TRAK1: variants seen among roughly 807,000 people sequenced by gnomAD.
TRAK1 encodes trafficking kinesin protein 1, also known as trafficking kinesin-binding protein 1.
TRAK1 carries 33 observed loss-of-function variants against 92.1 expected under a neutral mutation model. The observed-to-expected ratio is 0.36, with a 90% CI of 0.27 to 0.48. The LOEUF (loss-of-function observed/expected upper bound fraction) is 0.48, where lower values mean the gene tolerates loss of function less well. Among genes scored for constraint, TRAK1 ranks in the 20% least tolerant of loss-of-function variants. The probability of loss-of-function intolerance (pLI) is 0.99; values close to 1 mark genes in which losing one functional copy is unlikely to be tolerated. For missense variants in TRAK1, 1,123 were observed against 1,257.9 expected, an observed-to-expected ratio of 0.89 and a Z score of 1.62; for synonymous variants, 521 against 517.3, an observed-to-expected ratio of 1.01 and a Z score of -0.10.
At chr3:42,124,116 C>T (rs1180165102) in intron 1 of TRAK1, among the ~76,000 whole-genome samples, 1 of 147,664 alleles carries the variant, frequency 6.8e-6, no homozygotes, top group Non-Finnish European at 1.5e-5. Context: ...CCAGCCTGGG[C>T]AACAGAGTGA....
At chr3:42,098,511 G>A (rs1370066648) in intron 1 of TRAK1, among the ~76,000 whole-genome samples, 3 of 152,182 alleles carry the variant, frequency 2.0e-5, no homozygotes, top group African/African-American at 7.2e-5. Flanking sequence ...ATAACGTGAA[G>A]CAGGAAGGCT....
chr3:42,067,122 T>C (rs1408810688), intron 1 of TRAK1, among the ~76,000 whole-genome samples: 1 of 152,252 alleles, frequency 6.6e-6, no homozygotes, highest in Non-Finnish European at 1.5e-5. Flanking sequence ...TTCTTCTTTG[T>C]ACTCAAGTTG....
rs370817285 is a variant in TRAK1, at chr3:42,202,447, G to A, written c.1439G>A (p.Arg480Gln). The A allele has an allele frequency of 5.4e-6, 8 of 1,479,262 alleles. No individual in the cohort carries two copies. The highest frequency in any genetic ancestry group is 1.5e-5 in the South Asian group (1 of 67,746). The allele number at this position is 1,479,262 out of a possible 1,614,324, so 91.6% of individuals were successfully genotyped here. ...TEAADLGNDERSKKPGTPGTP... is the reference protein window; with the variant it reads ...TEAADLGNDEQSKKPGTPGTP... ...CTTTCTTCTTCCAGAAACGATGAGC[G>A]GAGTAAGAAGCCGGGGACGCCGGGC... The change falls in exon 13 of 16, where the codon CGG becomes CAG. Residue 480 changes from arginine (R) to glutamine (Q), a missense_variant. By Grantham distance (43) the Arg-to-Gln change is conservative. Transcript: ENST00000327628. This position sits in a 1 kb window ranked among gnomAD's most constrained non-coding sequence, Gnocchi z 6.1.
chr3:42,061,106 G>A (rs975282864), intron 1 of TRAK1, among the ~76,000 whole-genome samples: 1 of 152,122 alleles, frequency 6.6e-6, no homozygotes, highest in Non-Finnish European at 1.5e-5. Flanking sequence ...ATTTTAAAAA[G>A]TTCTTTGTTA....
chr3:42,080,167 A>C (rs556910494), intron 1 of TRAK1, among the ~76,000 whole-genome samples: 1 of 152,204 alleles, frequency 6.6e-6, no homozygotes, highest in African/African-American at 2.4e-5. Flanking sequence ...TAGCGGGGAG[A>C]AAATATTAGG....
intron 1 of TRAK1, among the ~76,000 whole-genome samples, chr3:42,065,846 T>A (rs1261781220): frequency 6.6e-6 from 1 of 151,942 alleles, no homozygotes; most frequent in East Asian, 1.9e-4. Context: ...CCCAGGCTGG[T>A]CTCCAACTCC....
chr3:42,104,895 A>T (rs926046668), intron 1 of TRAK1, among the ~76,000 whole-genome samples: 4 of 152,144 alleles, frequency 2.6e-5, no homozygotes, highest in Non-Finnish European at 5.9e-5. Context: ...GGTAATAACA[A>T]ACTTCTCCAA....
intron 14 of TRAK1, chr3:42,210,719 TCAAAGTGGA>T: frequency 1.0e-6 from 1 of 986,676 alleles, no homozygotes; most frequent in Non-Finnish European, 1.2e-6. Context: ...ACACATGTGT[TCAAAGTGGA>T]TTTTTAAAAA....
intron 13 of TRAK1, among the ~76,000 whole-genome samples, chr3:42,206,599 T>G (rs139130518): frequency 3.9e-5 from 6 of 152,346 alleles, no homozygotes; most frequent in African/African-American, 1.2e-4. Flanking sequence ...ACGTGAAGAT[T>G]AAGTGAATTA....
At chr3:42,025,432 C>T (rs1307880288) in intron 1 of TRAK1, among the ~76,000 whole-genome samples, 3 of 152,184 alleles carry the variant, frequency 2.0e-5, no homozygotes, top group African/African-American at 7.2e-5. Flanking sequence ...ATCTAAGCTA[C>T]TGAATTAATT....
chr3:42,115,369 T>C (rs1559786957), intron 1 of TRAK1, among the ~76,000 whole-genome samples: 2 of 152,286 alleles, frequency 1.3e-5, no homozygotes, highest in East Asian at 3.9e-4. Context: ...CAAACTGGCA[T>C]GCCCAAGTGG....
intron 14 of TRAK1, among the ~76,000 whole-genome samples, chr3:42,216,567 T>C (rs1693946507): frequency 6.6e-6 from 1 of 152,210 alleles, no homozygotes; most frequent in Non-Finnish European, 1.5e-5. Context: ...TGCTTGCATG[T>C]GGTGTGTTTT....
At position 42,125,452 on chromosome 3, in the gene TRAK1, G is replaced by A. The variant is rs777442675; in HGVS notation, c.124G>A (p.Glu42Lys). The change falls in exon 2 of 16, where the codon GAG becomes AAG. Residue 42 changes from glutamate to lysine, a missense_variant. Physicochemically the swap from Glu to Lys is moderately conservative, Grantham distance 56 (BLOSUM62 1). Transcript: ENST00000327628. ...CAACAGCACCGATCTTCCGGAAGTC[G>A]AGATCATTAGCCTGCTGGAGGAGCA... ...VCNSTDLPEVEIISLLEEQLP... is the reference protein window; with the variant it reads ...VCNSTDLPEVKIISLLEEQLP... The A allele has an allele frequency of 2.5e-6, 4 of 1,614,016 alleles. No individual in the cohort carries two copies. The highest frequency in any genetic ancestry group is 2.5e-6 in the Non-Finnish European group (3 of 1,180,036).
intron 2 of TRAK1, chr3:42,149,431 T>C: frequency 6.6e-7 from 1 of 1,514,118 alleles, no homozygotes; most frequent in Non-Finnish European, 8.8e-7. Flanking sequence ...TGTTTCGGGA[T>C]ATTCTTCTGT....
At chr3:42,175,492 G>A (rs972026817) in intron 2 of TRAK1, among the ~76,000 whole-genome samples, 6 of 152,034 alleles carry the variant, frequency 3.9e-5, no homozygotes, top group Non-Finnish European at 7.4e-5. Flanking sequence ...TTCCCCCCAC[G>A]CTTGGACAGG....
chr3:42,137,666 A>G (rs1055034457), intron 2 of TRAK1, among the ~76,000 whole-genome samples: 1 of 152,194 alleles, frequency 6.6e-6, no homozygotes, highest in Non-Finnish European at 1.5e-5. Flanking sequence ...GAGTTTAGCT[A>G]GAATTGATAG....
chr3:42,079,923 C>T (rs1157780064), intron 1 of TRAK1, among the ~76,000 whole-genome samples: 1 of 152,034 alleles, frequency 6.6e-6, no homozygotes, highest in Non-Finnish European at 1.5e-5. Context: ...ATCATTGCAC[C>T]AGGGAGTGGA....
rs553209424 is a variant in TRAK1 at position 42,217,688 on chromosome 3, G to A, written c.1964-1806G>A. The A allele has an allele frequency of 2.3e-4, 230 of 985,326 alleles. 2 individuals carry two copies. In the African/African-American group the frequency reaches 2.4e-3, roughly 10 times the overall value. 61.0% of individuals were successfully genotyped at this position (985,326 alleles called of 1,614,324 possible). ...TAAATGTTATCTCTCTTTCAACTGT[G>A]TTGTCTTATTTCTATTTACTGCTTT... On this transcript the variant is annotated intron_variant, in intron 14 of 15. Transcript: ENST00000327628.
At chr3:42,165,926 C>G (rs1701807289) in intron 2 of TRAK1, among the ~76,000 whole-genome samples, 1 of 152,058 alleles carries the variant, frequency 6.6e-6, no homozygotes, top group Admixed American at 6.6e-5. Flanking sequence ...GACAAAGAGC[C>G]TACTCACGTT....
Sources: gnomAD v4.1 joint callset for allele counts (sites outside exome capture counted in the v4.1 genomes callset) on GRCh38, gnomAD v4.1.1 for gene constraint, Gnocchi (gnomAD v3.1) non-coding constraint, MANE v1.5 for transcripts, NCBI Gene and HGNC (gene_info 2026-07-23, HGNC 2026-07-21) for gene names.